Variants in TLN2 observed in about 807,000 individuals in gnomAD.
The protein encoded by TLN2 is talin 2.
In TLN2, 118 loss-of-function variants were observed where a neutral mutation model predicts 294.7. The observed-to-expected ratio is 0.40, with a 90% CI of 0.34 to 0.47. The LOEUF is 0.47. TLN2 is among the 20% of genes least tolerant of loss of function. The pLI is 0.84. For missense variants in TLN2, 3,083 were observed against 3,282.2 expected (o/e 0.94, Z 1.48); for synonymous variants, 1,431 against 1,304.5 (o/e 1.10, Z -2.09).
At chr15:62,466,049 A>C (rs1202781634) in intron 1 of TLN2, among the ~76,000 whole-genome samples, 1 of 152,168 alleles carries the variant, frequency 6.6e-6, no homozygotes, top group Non-Finnish European at 1.5e-5. Flanking sequence ...CAGAGGAAAT[A>C]TGATGGGGCT....
At chr15:62,811,541 A>G (rs896672176) in intron 52 of TLN2, among the ~76,000 whole-genome samples, 3 of 152,206 alleles carry the variant, frequency 2.0e-5, no homozygotes, top group African/African-American at 7.2e-5. Flanking sequence ...ATAGGGTGCA[A>G]TCAGTAGATT....
chr15:62,752,196 A>C, intron 34 of TLN2, 109 bp from the exon 35 acceptor site: 1 of 1,395,958 alleles, frequency 7.2e-7, no homozygotes, highest in Non-Finnish European at 9.8e-7. Flanking sequence ...AAAATGTCAA[A>C]TGTTCCAAAT....
At chr15:62,644,350 T>A (rs1393389805) in intron 3 of TLN2, among the ~76,000 whole-genome samples, 1 of 152,130 alleles carries the variant, frequency 6.6e-6, no homozygotes, top group East Asian at 1.9e-4. Flanking sequence ...CCTTTGCCAA[T>A]TTTTTCTCGT....
intron 1 of TLN2, among the ~76,000 whole-genome samples, chr15:62,498,369 T>G (rs2039128328): frequency 6.6e-6 from 1 of 152,168 alleles, no homozygotes; most frequent in Non-Finnish European, 1.5e-5. Flanking sequence ...CCTTGAGTAG[T>G]CACTGGTCAG....
At chr15:62,744,757 G>A (rs746646831) in intron 32 of TLN2, among the ~76,000 whole-genome samples, 4 of 152,114 alleles carry the variant, frequency 2.6e-5, no homozygotes, top group Non-Finnish European at 5.9e-5. Flanking sequence ...ATGTTGGCCA[G>A]GCTGGTCTCA....
In TLN2 at chr15:62,840,635, C is replaced by A; in HGVS notation, c.*25C>A. On this transcript the variant is annotated 3_prime_UTR_variant, in exon 59 of 59. Coordinates refer to ENST00000636159, the MANE Select transcript of TLN2 (RefSeq NM_015059.3). ...AAGGTGCGAGCCCAGATGGCGAGCCCCAGGGGATGGCCCTGGCTGAACTGG... is the reference window on the plus strand; with the variant it reads ...AAGGTGCGAGCCCAGATGGCGAGCCACAGGGGATGGCCCTGGCTGAACTGG... 16 of 1,610,710 alleles carry A rather than the reference C, an allele frequency of 9.9e-6. No individual in the cohort carries two copies. Among genetic ancestry groups the A allele is most frequent in the Non-Finnish European group, 1.3e-5 (15 of 1,178,330 alleles).
chr15:62,592,831 G>A (rs573387002), intron 2 of TLN2, among the ~76,000 whole-genome samples: 4 of 152,304 alleles, frequency 2.6e-5, no homozygotes, highest in African/African-American at 9.6e-5. Context: ...TCATGGATGT[G>A]TGTGCATGTG....
chr15:62,690,312 C>G lies in TLN2; in HGVS notation c.1114-2528C>G, dbSNP rs1469252896. 4 of 155,458 alleles carry G rather than the reference C, an allele frequency of 2.6e-5. 1 individual carries two copies. In the East Asian group the frequency reaches 7.6e-4, roughly 30 times the overall value. 9.6% of individuals were successfully genotyped at this position (155,458 alleles called of 1,614,324 possible). On this transcript the variant is annotated intron_variant, in intron 12 of 58. Transcript: ENST00000636159. ...CTCAGACGGGGCGGCCGGGCAGAGA[C>G]GCTCTTCACCTCCCAGACGGGGTCG... is the stretch of plus-strand genomic sequence containing the variant.
chr15:62,480,195 T>A (rs2140381082), intron 1 of TLN2, among the ~76,000 whole-genome samples: 1 of 152,222 alleles, frequency 6.6e-6, no homozygotes, highest in East Asian at 1.9e-4. Context: ...ATAACAGATT[T>A]TGTTTATATA....
At chr15:62,708,347 A>T (rs1239771790) in intron 20 of TLN2, among the ~76,000 whole-genome samples, 155 bp from the exon 21 acceptor site, 2 of 152,204 alleles carry the variant, frequency 1.3e-5, no homozygotes, top group Admixed American at 1.3e-4. Context: ...GTTTCATTGA[A>T]TGAAATGGTC....
chr15:62,535,695 A>G (rs1252556154), intron 1 of TLN2, among the ~76,000 whole-genome samples: 2 of 151,772 alleles, frequency 1.3e-5, no homozygotes, highest in East Asian at 3.9e-4. Flanking sequence ...AGATGGGATT[A>G]TGGGTGCCTG....
intron 2 of TLN2, among the ~76,000 whole-genome samples, chr15:62,597,437 AT>A (rs1399832895): frequency 6.6e-6 from 1 of 152,156 alleles, no homozygotes. Flanking sequence ...GTTTAAATGG[AT>A]TCCCCTTTTA....
intron 1 of TLN2, among the ~76,000 whole-genome samples, chr15:62,536,589 C>G (rs1332164790): frequency 6.6e-6 from 1 of 152,076 alleles, no homozygotes; most frequent in Non-Finnish European, 1.5e-5. Flanking sequence ...TCTGTCCTCC[C>G]TAGGGTGTCT....
At chr15:62,622,012 C>A (rs2048877286) in intron 3 of TLN2, among the ~76,000 whole-genome samples, 1 of 151,990 alleles carries the variant, frequency 6.6e-6, no homozygotes, top group Non-Finnish European at 1.5e-5. Context: ...TAGAAAAAAA[C>A]ATGCTTTCCC....
chr15:62,805,075 A>G (rs1445528181), intron 50 of TLN2, among the ~76,000 whole-genome samples: 1 of 152,164 alleles, frequency 6.6e-6, no homozygotes, highest in East Asian at 1.9e-4. Context: ...CCTCTGCACA[A>G]TTATGCAGTT....
intron 19 of TLN2, among the ~76,000 whole-genome samples, chr15:62,703,404 T>C (rs1357822057): frequency 6.6e-6 from 1 of 151,980 alleles, no homozygotes; most frequent in Non-Finnish European, 1.5e-5. Flanking sequence ...CTGGCCGTGA[T>C]TATTTTTTTT....
At chr15:62,432,802 G>T (rs74917718) in intron 1 of TLN2, among the ~76,000 whole-genome samples, 4,120 of 152,112 alleles carry the variant, frequency 0.027, 83 homozygotes, top group Middle Eastern at 0.068. Flanking sequence ...TTATGCCCTA[G>T]AATGCATATT....
intron 1 of TLN2, among the ~76,000 whole-genome samples, chr15:62,582,631 C>T (rs2045235026): frequency 6.6e-6 from 1 of 152,098 alleles, no homozygotes; most frequent in Admixed American, 6.5e-5. Flanking sequence ...GAAAACAGCT[C>T]AGAGGGCAGG....
At chr15:62,646,895 G>A (rs572080699) in intron 3 of TLN2, among the ~76,000 whole-genome samples, 1 of 152,254 alleles carries the variant, frequency 6.6e-6, no homozygotes, top group African/African-American at 2.4e-5. Flanking sequence ...CCAGTCATAG[G>A]TGCCCAAGGC....
Sources: allele counts gnomAD v4.1 joint callset (sites outside exome capture counted in the v4.1 genomes callset), GRCh38; gene constraint gnomAD v4.1.1; transcripts MANE v1.5; gene names NCBI Gene and HGNC (gene_info 2026-07-23, HGNC 2026-07-21).